The following ERO1A variants were observed in gnomAD, a reference collection of about 807,000 sequenced individuals.
ERO1A encodes endoplasmic reticulum oxidoreductase 1 alpha.
ERO1A carries 49 observed loss-of-function variants against 76.9 expected under a neutral mutation model. That is an observed-to-expected ratio of 0.64 (90% CI 0.51 to 0.81). The LOEUF is 0.81. Ranked by LOEUF, ERO1A falls within the 30% of genes least tolerant of loss-of-function variation. The pLI, the probability that ERO1A is intolerant of heterozygous loss-of-function variation, is 0.00. For missense variants in ERO1A, 448 were observed against 542.1 expected (o/e 0.83, Z 1.72); for synonymous variants, 174 against 181.2 (o/e 0.96, Z 0.32).
intron 7 of ERO1A, 113 bp downstream of exon 7, chr14:52,666,260 AAC>A (rs2040406614): frequency 1.3e-6 from 1 of 782,494 alleles, no homozygotes; most frequent in African/African-American, 1.8e-5. Flanking sequence ...TCCTTGTACA[AAC>A]ACATCTTTTA....
intron 6 of ERO1A, among the ~76,000 whole-genome samples, chr14:52,671,247 T>A (rs1363862019): frequency 6.6e-6 from 1 of 152,214 alleles, no homozygotes; most frequent in African/African-American, 2.4e-5. Context: ...ATTCAAACAG[T>A]ACTGGACAAT....
chr14:52,664,879 G>C lies in ERO1A; in HGVS notation c.630-1032C>G, dbSNP rs1053489397. 3.9e-5 allele frequency among the ~76,000 whole-genome samples: 6 copies of C among 152,012 alleles called. No homozygotes were observed. In the South Asian group the frequency reaches 6.2e-4, roughly 16 times the overall value. ...GCTAATTTTTTGTATTTTTAGTAGA[G>C]ACGGGGTTTCACCGCGTTAGTGAGG... On this transcript the variant is annotated intron_variant, in intron 7 of 15. Coordinates refer to ENST00000395686, the MANE Select transcript of ERO1A (RefSeq NM_014584.3).
intron 9 of ERO1A, chr14:52,658,668 T>C (rs1033115417): frequency 6.6e-6 from 1 of 152,492 alleles, no homozygotes; most frequent in African/African-American, 2.4e-5. Flanking sequence ...CTTATATTCT[T>C]ATGACCTAAT....
intron 1 of ERO1A, among the ~76,000 whole-genome samples, chr14:52,688,101 G>A (rs1404235802): frequency 2.2e-4 from 33 of 152,024 alleles, no homozygotes; most frequent in Admixed American, 1.5e-3. Flanking sequence ...TGGGAGAATC[G>A]CTTGAGCCAG....
intron 13 of ERO1A, chr14:52,646,849 C>T (rs1238014698): frequency 6.3e-6 from 1 of 159,560 alleles, no homozygotes; most frequent in African/African-American, 2.5e-5. Flanking sequence ...AGGTGATTAA[C>T]TATATGTCAA....
Position 52,653,237 on chromosome 14 carries a change from TCTC to T in ERO1A, c.884_886del (p.Gly295del), listed in dbSNP as rs2039935438. ...CAAGTTCTTAAGCCTTCTTGGACCTTCTCCTTCAGTCAAAATTCCATCAAATCG... is the reference window on the plus strand; with the variant it reads ...CAAGTTCTTAAGCCTTCTTGGACCTTCTTCAGTCAAAATTCCATCAAATCG... On this transcript the variant is annotated inframe_deletion, in exon 12 of 16. Coordinates refer to ENST00000395686, the MANE Select transcript of ERO1A (RefSeq NM_014584.3). The T allele has an allele frequency of 6.2e-7, 1 of 1,612,374 alleles. No individual in the cohort carries two copies. The highest frequency in any genetic ancestry group is 1.3e-5 in the African/African-American group (1 of 74,890).
Position 52,640,178 on chromosome 14 carries a change from GA to G in ERO1A, c.*3391del, listed in dbSNP as rs1477114315. 1 of 152,142 alleles carries G rather than the reference GA, an allele frequency of 6.6e-6. No individual in the cohort carries two copies. The highest frequency in any genetic ancestry group is 1.5e-5 in the Non-Finnish European group (1 of 68,018). The allele number at this position is 152,142 out of a possible 1,614,324, so 9.4% of individuals were successfully genotyped here. A position where few individuals can be genotyped will look rare whatever the true frequency, so the allele number is the denominator to read the frequency against. ...AGCTCACATTCTAGTAAAGACTTTT[GA>G]AAAATAAAACAATACAGTACGATTT... On this transcript the variant is annotated 3_prime_UTR_variant, in exon 16 of 16. Coordinates refer to ENST00000395686, the MANE Select transcript of ERO1A (RefSeq NM_014584.3).
At chr14:52,668,035 TAGA>T (rs752958114) in intron 6 of ERO1A, among the ~76,000 whole-genome samples, 12 of 152,048 alleles carry the variant, frequency 7.9e-5, no homozygotes, top group Non-Finnish European at 1.6e-4. Flanking sequence ...AATTTGCTTC[TAGA>T]AGCAGTACAA....
At chr14:52,663,622 T>G (rs1205383507) in intron 8 of ERO1A, among the ~76,000 whole-genome samples, 179 bp downstream of exon 8, 1 of 151,958 alleles carries the variant, frequency 6.6e-6, no homozygotes, top group East Asian at 1.9e-4. Context: ...AAAATACTTT[T>G]TACTGAAGTA....
chr14:52,690,082 A>C (rs2041306347), intron 1 of ERO1A, among the ~76,000 whole-genome samples: 1 of 152,212 alleles, frequency 6.6e-6, no homozygotes, highest in Non-Finnish European at 1.5e-5. Context: ...CAAAAAAATG[A>C]AATTGGATCT....
chr14:52,666,926 G>A (rs910338459), intron 6 of ERO1A, among the ~76,000 whole-genome samples: 9 of 151,952 alleles, frequency 5.9e-5, no homozygotes, highest in East Asian at 1.9e-4. Flanking sequence ...GCGAGACTCC[G>A]TCTCAGAAAA....
chr14:52,668,414 G>A (rs1311052404), intron 6 of ERO1A, among the ~76,000 whole-genome samples: 1 of 151,810 alleles, frequency 6.6e-6, no homozygotes, highest in Non-Finnish European at 1.5e-5. Context: ...GCATGGTGAT[G>A]CATGCCTGTA....
intron 13 of ERO1A, among the ~76,000 whole-genome samples, chr14:52,648,045 C>T (rs944808388): frequency 5.3e-5 from 8 of 152,132 alleles, no homozygotes; most frequent in African/African-American, 1.9e-4. Context: ...TTTCAAACAG[C>T]TGTAACATGA....
chr14:52,658,768 A>G (rs911530990), intron 9 of ERO1A, among the ~76,000 whole-genome samples: 3 of 152,192 alleles, frequency 2.0e-5, no homozygotes, highest in South Asian at 2.1e-4. Flanking sequence ...TAACTAGTGA[A>G]CATGGTAAAA....
At chr14:52,645,764 G>C (rs2039628301) in intron 15 of ERO1A, among the ~76,000 whole-genome samples, 1 of 151,950 alleles carries the variant, frequency 6.6e-6, no homozygotes, top group Non-Finnish European at 1.5e-5. Context: ...AGCACTTCGG[G>C]AGGTGGAGCC....
At chr14:52,687,752 G>A (rs535773225) in intron 1 of ERO1A, among the ~76,000 whole-genome samples, 1 of 152,286 alleles carries the variant, frequency 6.6e-6, no homozygotes, top group South Asian at 2.1e-4. Flanking sequence ...AACATTTGAG[G>A]CTAACTGCTC....
At chr14:52,686,453 C>T (rs35800716) in intron 1 of ERO1A, among the ~76,000 whole-genome samples, 66,130 of 152,040 alleles carry the variant, frequency 0.43, 15,176 homozygotes, top group Middle Eastern at 0.55. Flanking sequence ...TATCTCTATC[C>T]TAATTACAAA....
intron 13 of ERO1A, among the ~76,000 whole-genome samples, chr14:52,649,793 A>C (rs2039792341): frequency 6.6e-6 from 1 of 152,212 alleles, no homozygotes; most frequent in Non-Finnish European, 1.5e-5. Context: ...GAATGCTTCA[A>C]GTAGGAGGTA....
chr14:52,678,344 G>A, intron 4 of ERO1A, 90 bp downstream of exon 4: 4 of 937,962 alleles, frequency 4.3e-6, no homozygotes, highest in Non-Finnish European at 6.7e-6. Context: ...ACCACTGGAA[G>A]CAGATAAATG....
Sources: gnomAD v4.1 joint callset for allele counts (sites outside exome capture counted in the v4.1 genomes callset) on GRCh38, gnomAD v4.1.1 for gene constraint, MANE v1.5 for transcripts, NCBI Gene and HGNC (gene_info 2026-07-23, HGNC 2026-07-21) for gene names.